SEPSECS: variants seen among roughly 807,000 people sequenced by gnomAD.
SEPSECS encodes O-phosphoseryl-tRNA(Sec) selenium transferase.
Under a neutral mutation model 52.1 loss-of-function variants are expected in SEPSECS, and 42 were observed. The observed-to-expected ratio is 0.81, with a 90% CI of 0.63 to 1.04. The LOEUF (loss-of-function observed/expected upper bound fraction) is 1.04, where lower values mean the gene tolerates loss of function less well. Among genes scored for constraint, SEPSECS ranks in the 50% least tolerant of loss-of-function variants. The pLI is 0.00. For synonymous variants in SEPSECS, 216 were observed against 211.4 expected, an observed-to-expected ratio of 1.02 and a Z score of -0.19; for missense variants, 590 against 610.6, an observed-to-expected ratio of 0.97 and a Z score of 0.36.
At chr4:25,137,454 C>T (rs958094439) in intron 8 of SEPSECS, among the ~76,000 whole-genome samples, 24 of 152,132 alleles carry the variant, frequency 1.6e-4, no homozygotes, top group African/African-American at 5.6e-4. Flanking sequence ...AACCAACAAA[C>T]ATATGAAGAA....
intron 10 of SEPSECS, chr4:25,125,398 A>C (rs1728317804): frequency 6.1e-6 from 2 of 325,228 alleles, no homozygotes; most frequent in East Asian, 1.2e-4. Context: ...GCTGAAGATC[A>C]TCTAACAAAG....
intron 1 of SEPSECS, among the ~76,000 whole-genome samples, 152 bp from the exon 2 acceptor site, chr4:25,159,259 CAA>C (rs369319995): frequency 4.6e-5 from 7 of 152,226 alleles, no homozygotes; most frequent in African/African-American, 1.7e-4. Flanking sequence ...ATAGAGACCG[CAA>C]AGAGGCAAAA....
Position 25,160,237 on chromosome 4 carries a change from G to A in SEPSECS, c.114+19C>T, listed in dbSNP as rs748912304. On this transcript the variant is annotated intron_variant, in intron 1 of 10. Coordinates refer to ENST00000382103, the MANE Select transcript of SEPSECS (RefSeq NM_016955.4). ...CCCCGGGGTCGCGGCGGCTGGGGAG[G>A]GGACCGACAGCTCGGTACCTTCTCC... 1.1e-5 allele frequency: 17 copies of A among 1,550,524 alleles called. No individual in the cohort carries two copies. The highest frequency in any genetic ancestry group is 8.3e-5 in the South Asian group (7 of 84,276).
intron 10 of SEPSECS, among the ~76,000 whole-genome samples, chr4:25,124,797 G>T (rs1728296472): frequency 6.6e-6 from 1 of 152,018 alleles, no homozygotes; most frequent in South Asian, 2.1e-4. Flanking sequence ...TGGGGTGGTA[G>T]TCAGCAAACA....
rs759311470 is a variant in SEPSECS at position 25,144,732 on chromosome 4, T to C, written c.1026+42A>G. 9 of 1,357,718 alleles carry C rather than the reference T, an allele frequency of 6.6e-6. No individual in the cohort carries two copies. In the East Asian group the frequency reaches 2.1e-4, roughly 31 times the overall value. 84.1% of individuals were successfully genotyped at this position (1,357,718 alleles called of 1,614,324 possible). On this transcript the variant is annotated intron_variant, in intron 8 of 10. Transcript: ENST00000382103. ...AAACACCAATGATTTGGAGCACAGT[T>C]CTAGTCAAGAATGTTATTCGACACC...
intron 5 of SEPSECS, among the ~76,000 whole-genome samples, 181 bp downstream of exon 5, chr4:25,154,817 T>C (rs994372082): frequency 6.6e-6 from 1 of 152,210 alleles, no homozygotes; most frequent in Admixed American, 6.5e-5. Context: ...TTCCTTGTTA[T>C]ATTTCAAATG....
chr4:25,125,501 T>C (rs1728322794), intron 10 of SEPSECS, 193 bp downstream of exon 10: 2 of 585,880 alleles, frequency 3.4e-6, no homozygotes, highest in Non-Finnish European at 6.1e-6. Context: ...TTTGTGACTA[T>C]TTCAGGCATA....
intron 8 of SEPSECS, among the ~76,000 whole-genome samples, chr4:25,128,151 T>C (rs1041822791): frequency 4.6e-5 from 7 of 152,200 alleles, no homozygotes; most frequent in African/African-American, 1.7e-4. Context: ...AATTATCTCA[T>C]GTATTTGCTT....
At chr4:25,149,187 A>ACAG (rs1194817304) in intron 6 of SEPSECS, among the ~76,000 whole-genome samples, 1 of 152,078 alleles carries the variant, frequency 6.6e-6, no homozygotes, top group African/African-American at 2.4e-5. Context: ...CCTCCTGAGT[A>ACAG]GCTGGGACTA....
At chr4:25,141,029 C>T (rs774528498) in intron 8 of SEPSECS, among the ~76,000 whole-genome samples, 2 of 151,960 alleles carry the variant, frequency 1.3e-5, no homozygotes, top group African/African-American at 2.4e-5. Context: ...ATATTGTATT[C>T]AGTATTATAA....
Position 25,145,152 on chromosome 4 carries a change from T to A in SEPSECS, c.805-19A>T. On this transcript the variant is annotated intron_variant, in intron 6 of 10. Transcript: ENST00000382103. ...GAGCCCCCTGGAATCAATATGATAT[T>A]ACATATTAGTTGCTAGGAAAACAGA... The A allele has an allele frequency of 1.2e-6, 2 of 1,612,478 alleles. No homozygotes were observed. The highest frequency in any genetic ancestry group is 2.7e-5 in the African/African-American group (2 of 74,992).
In SEPSECS at chr4:25,152,058, C is replaced by T. The variant is rs1264658890; in HGVS notation, c.706G>A (p.Glu236Lys). The change falls in exon 6 of 11, where the codon GAA (glutamate) becomes AAA (lysine). Residue 236 changes from glutamate to lysine, a missense_variant. Glu to Lys is a moderately conservative substitution (Grantham distance 56). Coordinates refer to ENST00000382103, the MANE Select transcript of SEPSECS (RefSeq NM_016955.4). The part of the protein sequence containing the change: ...CFAPRVPDRL[E>K]ELAVICANYD... Reference sequence around the variant, plus strand: ...TTAGCACAAATCACAGCCAGTTCTTCTAATCTATAAACATAAATATTCAAT... The same window carrying T: ...TTAGCACAAATCACAGCCAGTTCTTTTAATCTATAAACATAAATATTCAAT... The T allele has an allele frequency of 2.0e-6, 3 of 1,509,766 alleles. No homozygotes were observed. Among genetic ancestry groups the T allele is most frequent in the Non-Finnish European group, 2.8e-6 (3 of 1,085,472 alleles). 93.5% of individuals were successfully genotyped at this position (1,509,766 alleles called of 1,614,324 possible).
chr4:25,152,684 C>T (rs567029614), intron 5 of SEPSECS, among the ~76,000 whole-genome samples: 38 of 152,060 alleles, frequency 2.5e-4, no homozygotes, highest in Non-Finnish European at 5.2e-4. Context: ...TTACACCTCT[C>T]ATATTAATCT....
At position 25,156,884 on chromosome 4, in the gene SEPSECS, A is replaced by G; in HGVS notation, c.360T>C (p.Ser120=). Residue 120 remains serine, a synonymous_variant, in exon 3 of 11, where the codon TCT becomes TCC. Transcript: ENST00000382103. ...GSSLLNKITN[S]LVLDIIKLAG... ...CCAGCTTTATAATGTCCAGGACCAA[A>G]GAATTGGTAATTTTGTTCAAAAGGC... 1.2e-6 allele frequency: 2 copies of G among 1,606,068 alleles called. No homozygotes were observed. Among genetic ancestry groups the G allele is most frequent in the Non-Finnish European group, 1.7e-6 (2 of 1,172,712 alleles).
intron 6 of SEPSECS, among the ~76,000 whole-genome samples, chr4:25,148,543 C>T (rs1712124340): frequency 6.6e-6 from 1 of 152,108 alleles, no homozygotes; most frequent in Admixed American, 6.6e-5. Context: ...TCAATAGTGC[C>T]ACAACCTCTT....
intron 8 of SEPSECS, among the ~76,000 whole-genome samples, chr4:25,139,027 C>T (rs573406624): frequency 2.6e-5 from 4 of 152,338 alleles, no homozygotes; most frequent in African/African-American, 9.6e-5. Context: ...CCACGAATGT[C>T]AATGAATAAA....
chr4:25,139,045 T>C (rs1577612077), intron 8 of SEPSECS, among the ~76,000 whole-genome samples: 1 of 152,208 alleles, frequency 6.6e-6, no homozygotes, highest in South Asian at 2.1e-4. Context: ...AAATGCACTG[T>C]CTTTTCTCCA....
chr4:25,156,444 C>A (rs1044441730), intron 3 of SEPSECS, among the ~76,000 whole-genome samples: 3 of 151,670 alleles, frequency 2.0e-5, no homozygotes, highest in Non-Finnish European at 4.4e-5. Flanking sequence ...GTGGCTCATG[C>A]CTGTAATCCC....
chr4:25,132,614 G>A (rs980460861), intron 8 of SEPSECS, among the ~76,000 whole-genome samples: 6 of 152,230 alleles, frequency 3.9e-5, no homozygotes, highest in African/African-American at 7.2e-5. Flanking sequence ...TTAACTTACA[G>A]TGACAGAGTT....
Sources: gnomAD v4.1 joint callset for allele counts (sites outside exome capture counted in the v4.1 genomes callset) on GRCh38, gnomAD v4.1.1 for gene constraint, MANE v1.5 for transcripts, NCBI Gene and HGNC (gene_info 2026-07-23, HGNC 2026-07-21) for gene names.